The following LRRTM4 variants were observed in gnomAD, a reference collection of about 807,000 sequenced individuals.
LRRTM4 encodes leucine rich repeat transmembrane neuronal 4, also known as leucine-rich repeat transmembrane neuronal protein 4.
A neutral mutation model predicts 47.6 loss-of-function variants in LRRTM4; 25 were observed. The ratio of observed to expected loss-of-function variants is 0.53; its 90% CI spans 0.38 to 0.73. The LOEUF is 0.73. LRRTM4 is among the 30% of genes least tolerant of loss of function. The pLI is 0.00. For missense variants in LRRTM4, 638 were observed against 713.4 expected, an observed-to-expected ratio of 0.89 and a Z score of 1.20; for synonymous variants, 311 against 269.5, an observed-to-expected ratio of 1.15 and a Z score of -1.51.
chr2:76,796,504 T>A (rs1194719196), intron 3 of LRRTM4, among the ~76,000 whole-genome samples: 1 of 132,374 alleles, frequency 7.6e-6, no homozygotes, highest in African/African-American at 3.0e-5. Flanking sequence ...AGTGGGTCCC[T>A]GACCCCAGAA....
At chr2:77,324,000 C>G (rs1670655442) in intron 3 of LRRTM4, among the ~76,000 whole-genome samples, 1 of 152,052 alleles carries the variant, frequency 6.6e-6, no homozygotes, top group African/African-American at 2.4e-5. Flanking sequence ...GTCATAATTA[C>G]TAGGCTTGCA....
In LRRTM4 at chr2:77,185,422, G is replaced by C. The variant is rs1001344382; in HGVS notation, c.1551+332896C>G. 2.6e-5 allele frequency among the ~76,000 whole-genome samples: 4 copies of C among 152,024 alleles called. No individual in the cohort carries two copies. In the East Asian group the frequency reaches 5.8e-4, roughly 22 times the overall value. ...GATGCATGCATTTATCACTCTATTG[G>C]ATCTAGAAGTAAATGGCTACAAGGG... is the stretch of plus-strand genomic sequence containing the variant. On this transcript the variant is annotated intron_variant, in intron 3 of 3. Coordinates refer to ENST00000409884, the MANE Select transcript of LRRTM4 (RefSeq NM_001134745.3).
At chr2:76,857,478 T>C (rs952571877) in intron 3 of LRRTM4, among the ~76,000 whole-genome samples, 2 of 151,950 alleles carry the variant, frequency 1.3e-5, no homozygotes, top group East Asian at 3.9e-4. Flanking sequence ...TAGTTAAGTT[T>C]TGGGGGAACA....
intron 3 of LRRTM4, among the ~76,000 whole-genome samples, chr2:77,155,348 T>C (rs1672532605): frequency 6.6e-6 from 1 of 151,692 alleles, no homozygotes; most frequent in African/African-American, 2.4e-5. Flanking sequence ...AAGAAAAAAA[T>C]AGAATTTTTA....
chr2:76,858,712 T>G (rs916665210), intron 3 of LRRTM4, among the ~76,000 whole-genome samples: 1 of 152,180 alleles, frequency 6.6e-6, no homozygotes, highest in Admixed American at 6.6e-5. Context: ...TCTGGCAATT[T>G]TGAATTATAG....
chr2:77,290,402 G>T (rs1458415146), intron 3 of LRRTM4, among the ~76,000 whole-genome samples: 1 of 151,846 alleles, frequency 6.6e-6, no homozygotes, highest in Admixed American at 6.6e-5. Flanking sequence ...GGCTGGGAAG[G>T]GTATAGGGAG....
intron 3 of LRRTM4, among the ~76,000 whole-genome samples, chr2:76,893,677 G>A (rs1341706528): frequency 6.6e-6 from 1 of 151,742 alleles, no homozygotes; most frequent in Non-Finnish European, 1.5e-5. Flanking sequence ...CTAAGAAGAT[G>A]AGAATATTGC....
Position 77,151,117 on chromosome 2 carries a change from A to ATGTGTG in LRRTM4, c.1551+367195_1551+367200dup, listed in dbSNP as rs144817565. On this transcript the variant is annotated intron_variant, in intron 3 of 3. Transcript: ENST00000409884. Reference sequence around the variant, plus strand: ...GTAATAGACTAGACTACGTCCGTGTATGTGTGTGTGTGTGTGTGTGTGTGT... The same window carrying ATGTGTG: ...GTAATAGACTAGACTACGTCCGTGTATGTGTGTGTGTGTGTGTGTGTGTGTGTGTGT... Among the ~76,000 whole-genome samples, 1,327 of 147,718 alleles carry ATGTGTG rather than the reference A, an allele frequency of 9.0e-3. 24 individuals carry two copies. Among genetic ancestry groups the ATGTGTG allele is most frequent in the African/African-American group, 0.031 (1,266 of 40,614 alleles).
intron 3 of LRRTM4, among the ~76,000 whole-genome samples, chr2:77,292,787 T>C (rs1035202575): frequency 3.3e-5 from 5 of 151,452 alleles, no homozygotes; most frequent in South Asian, 2.1e-4. Context: ...GCATGGCACA[T>C]GTATACATAT....
chr2:76,896,785 G>A (rs1164791333), intron 3 of LRRTM4, among the ~76,000 whole-genome samples: 1 of 149,558 alleles, frequency 6.7e-6, no homozygotes, highest in African/African-American at 2.5e-5. Context: ...TAAGGGCAGT[G>A]AGGTCTGCAT....
At chr2:76,983,093 A>G (rs58387942) in intron 3 of LRRTM4, among the ~76,000 whole-genome samples, 1 of 152,212 alleles carries the variant, frequency 6.6e-6, no homozygotes, top group African/African-American at 2.4e-5. Context: ...TTTAAATAAT[A>G]GTTCACTTAA....
At chr2:76,976,770 T>A (rs13016203) in intron 3 of LRRTM4, among the ~76,000 whole-genome samples, 1 of 151,608 alleles carries the variant, frequency 6.6e-6, no homozygotes, top group Non-Finnish European at 1.5e-5. Flanking sequence ...TAGTGTTCTG[T>A]AGCACTGTAG....
At chr2:76,814,687 C>A (rs1214630499) in intron 3 of LRRTM4, among the ~76,000 whole-genome samples, 1 of 151,804 alleles carries the variant, frequency 6.6e-6, no homozygotes, top group Non-Finnish European at 1.5e-5. Flanking sequence ...ATATAAGGGA[C>A]TTGAGTATCC....
intron 3 of LRRTM4, among the ~76,000 whole-genome samples, chr2:77,498,876 T>G (rs1207141849): frequency 6.6e-6 from 1 of 151,912 alleles, no homozygotes; most frequent in Non-Finnish European, 1.5e-5. Context: ...GTTAAATGCC[T>G]GCACACAGAA....
intron 3 of LRRTM4, among the ~76,000 whole-genome samples, chr2:76,962,042 T>C (rs1558764370): frequency 6.6e-6 from 1 of 151,224 alleles, no homozygotes; most frequent in African/African-American, 2.4e-5. Context: ...GCATGCTTCA[T>C]GCATGTATAC....
chr2:77,428,611 C>T (rs930132590), intron 3 of LRRTM4, among the ~76,000 whole-genome samples: 1 of 152,076 alleles, frequency 6.6e-6, no homozygotes, highest in Non-Finnish European at 1.5e-5. Context: ...TAGATATAGG[C>T]TCTAAATAAT....
chr2:77,177,833 AC>A (rs1264734117), intron 3 of LRRTM4, among the ~76,000 whole-genome samples: 1 of 152,190 alleles, frequency 6.6e-6, no homozygotes, highest in African/African-American at 2.4e-5. Flanking sequence ...AGCTGATGCT[AC>A]CAGGCCTTTC....
intron 3 of LRRTM4, among the ~76,000 whole-genome samples, chr2:77,109,670 T>C (rs941858761): frequency 6.6e-6 from 1 of 151,908 alleles, no homozygotes; most frequent in Non-Finnish European, 1.5e-5. Context: ...ATGATCATTG[T>C]AAATACAAGA....
intron 3 of LRRTM4, among the ~76,000 whole-genome samples, chr2:76,778,424 G>T (rs1674158026): frequency 6.8e-6 from 1 of 146,154 alleles, no homozygotes; most frequent in Admixed American, 6.7e-5. Context: ...ATTGATTATT[G>T]CCACAATTTC....
Sources: allele counts gnomAD v4.1 joint callset (sites outside exome capture counted in the v4.1 genomes callset), GRCh38; gene constraint gnomAD v4.1.1; transcripts MANE v1.5; gene names NCBI Gene and HGNC (gene_info 2026-07-23, HGNC 2026-07-21).